GLCCI1: variants seen among roughly 807,000 people sequenced by gnomAD.
GLCCI1 encodes the protein glucocorticoid induced 1.
A neutral mutation model predicts 52.2 loss-of-function variants in GLCCI1; 24 were observed. The ratio of observed to expected loss-of-function variants is 0.46; its 90% CI spans 0.33 to 0.65. GLCCI1 has a LOEUF of 0.65. Among genes scored for constraint, GLCCI1 ranks in the 30% least tolerant of loss-of-function variants. The probability of loss-of-function intolerance (pLI) is 0.02; values close to 1 mark genes in which losing one functional copy is unlikely to be tolerated. For missense variants in GLCCI1, 704 were observed against 701.5 expected (o/e 1.00, Z -0.04); for synonymous variants, 310 against 276.5 (o/e 1.12, Z -1.20).
At chr7:8,054,074 GATTAT>G (rs1488835762) in intron 3 of GLCCI1, among the ~76,000 whole-genome samples, 2 of 152,056 alleles carry the variant, frequency 1.3e-5, no homozygotes, top group South Asian at 4.1e-4. Context: ...AGTAAGTACA[GATTAT>G]ATTATTAATC....
intron 6 of GLCCI1, among the ~76,000 whole-genome samples, chr7:8,076,631 T>C (rs1450680374): frequency 6.6e-6 from 1 of 152,224 alleles, no homozygotes; most frequent in African/African-American, 2.4e-5. Flanking sequence ...TACTTAAATA[T>C]ACAACTCAGT....
At chr7:8,030,540 G>A (rs115726347) in intron 3 of GLCCI1, among the ~76,000 whole-genome samples, 2,549 of 152,170 alleles carry the variant, frequency 0.017, 62 homozygotes, top group East Asian at 0.084. Context: ...GGAAAAATGG[G>A]ATGACATCAA....
intron 3 of GLCCI1, among the ~76,000 whole-genome samples, chr7:8,031,474 A>G (rs2127951700): frequency 6.6e-6 from 1 of 152,258 alleles, no homozygotes; most frequent in Admixed American, 6.5e-5. Flanking sequence ...AGTAAGACCT[A>G]GTATTTGATA....
chr7:8,071,205 T>A, intron 6 of GLCCI1, 74 bp downstream of exon 6: 1 of 1,156,184 alleles, frequency 8.6e-7, no homozygotes, highest in Non-Finnish European at 1.2e-6. Flanking sequence ...GACCATTACA[T>A]CTTTTTTTTT....
At chr7:7,980,855 C>G in intron 1 of GLCCI1, 1 of 657,410 alleles carries the variant, frequency 1.5e-6, no homozygotes, top group Non-Finnish European at 2.8e-6. Context: ...ATCAGGATAT[C>G]AGGATAAATT....
Position 8,088,212 on chromosome 7 carries a change from T to TTCTTA in GLCCI1, c.*1675_*1676insCTTAT, listed in dbSNP as rs1482223959. On this transcript the variant is annotated 3_prime_UTR_variant, in exon 8 of 8. Transcript: ENST00000223145. The stretch of plus-strand genomic sequence containing the variant: ...AAAGCAACACCATTGATTTTTTTTT[T>TTCTTA]TAAGAAATGATATATATATGTATAT... The TTCTTA allele has an allele frequency of 6.7e-6, 1 of 149,284 alleles. No homozygotes were observed. The highest frequency in any genetic ancestry group is 6.8e-5 in the Admixed American group (1 of 14,740). 9.2% of individuals were successfully genotyped at this position (149,284 alleles called of 1,614,324 possible).
intron 3 of GLCCI1, among the ~76,000 whole-genome samples, chr7:8,034,225 A>G (rs890036467): frequency 2.6e-5 from 4 of 152,298 alleles, no homozygotes; most frequent in East Asian, 3.9e-4. Flanking sequence ...CTTAAGTCCT[A>G]GCTCTCACCA....
chr7:8,012,144 A>G (rs1781276552), intron 2 of GLCCI1, among the ~76,000 whole-genome samples: 2 of 151,840 alleles, frequency 1.3e-5, no homozygotes, highest in South Asian at 4.2e-4. Context: ...ATCTTTGCCA[A>G]TATTTTCTTT....
intron 2 of GLCCI1, among the ~76,000 whole-genome samples, chr7:8,006,825 T>C (rs1179757082): frequency 2.0e-5 from 3 of 152,188 alleles, no homozygotes; most frequent in Non-Finnish European, 4.4e-5. Context: ...CTAAGTCCCA[T>C]TCTCTTCCTA....
intron 2 of GLCCI1, among the ~76,000 whole-genome samples, chr7:8,004,428 C>T (rs1172890644): frequency 2.6e-5 from 4 of 152,056 alleles, no homozygotes; most frequent in Admixed American, 2.0e-4. Flanking sequence ...GTAACAAATG[C>T]CTAATGAAAT....
At chr7:7,995,069 A>G (rs555041781) in intron 1 of GLCCI1, among the ~76,000 whole-genome samples, 9 of 152,334 alleles carry the variant, frequency 5.9e-5, no homozygotes, top group Admixed American at 2.6e-4. Context: ...CATCAATCCC[A>G]AGTAAAAGCA....
chr7:8,083,948 T>G (rs763815768), intron 6 of GLCCI1, among the ~76,000 whole-genome samples: 24 of 152,234 alleles, frequency 1.6e-4, no homozygotes, highest in Admixed American at 7.2e-4. Context: ...AACATAATTA[T>G]GATACTGTTG....
At chr7:8,045,323 G>A (rs79356905) in intron 3 of GLCCI1, among the ~76,000 whole-genome samples, 4,406 of 152,086 alleles carry the variant, frequency 0.029, 203 homozygotes, top group African/African-American at 0.093. Context: ...ATTTAGATAC[G>A]GCAACATATT....
Position 7,986,531 on chromosome 7 carries a change from G to GA in GLCCI1, c.457+16732dup, listed in dbSNP as rs1032681058. Reference sequence around the variant, plus strand: ...CAGAGCGAGACTCTGACTCAAAAAAGAAAAAAAAGAAAAAGTGACCTAGTG... The same window carrying GA: ...CAGAGCGAGACTCTGACTCAAAAAAGAAAAAAAAAGAAAAAGTGACCTAGTG... On this transcript the variant is annotated intron_variant, in intron 1 of 7. Transcript: ENST00000223145. Among the ~76,000 whole-genome samples the GA allele has an allele frequency of 5.1e-5, 6 of 117,992 alleles. No individual in the cohort carries two copies. The East Asian group carries it at 6.4e-4, about 13-fold the overall frequency. The allele number at this position is 117,992 out of a possible 152,430, so 77.4% of individuals were successfully genotyped here.
intron 5 of GLCCI1, among the ~76,000 whole-genome samples, chr7:8,062,963 A>T (rs936879066): frequency 5.3e-5 from 8 of 152,116 alleles, no homozygotes; most frequent in African/African-American, 1.9e-4. Flanking sequence ...AGAGCAATTT[A>T]TATTTCTTTG....
chr7:7,995,764 G>A (rs1327229848), intron 1 of GLCCI1, among the ~76,000 whole-genome samples: 1 of 152,146 alleles, frequency 6.6e-6, no homozygotes, highest in Admixed American at 6.5e-5. Flanking sequence ...GGTGGGGAGA[G>A]TGGGGAGGGA....
chr7:8,073,816 G>C (rs1166288092), intron 6 of GLCCI1, among the ~76,000 whole-genome samples: 4 of 152,030 alleles, frequency 2.6e-5, no homozygotes, highest in African/African-American at 9.7e-5. Flanking sequence ...GAGAATTAAA[G>C]CCCCATGACA....
chr7:8,082,960 G>C (rs954369708), intron 6 of GLCCI1, among the ~76,000 whole-genome samples: 25 of 152,134 alleles, frequency 1.6e-4, no homozygotes, highest in Admixed American at 9.2e-4. Flanking sequence ...CTTTTCTTAC[G>C]TGATAATAGA....
chr7:8,019,832 G>A (rs1781449821), intron 2 of GLCCI1, among the ~76,000 whole-genome samples: 1 of 152,210 alleles, frequency 6.6e-6, no homozygotes, highest in Non-Finnish European at 1.5e-5. Context: ...TGATACACCT[G>A]TATAGGGCAT....
Sources: allele counts gnomAD v4.1 joint callset (sites outside exome capture counted in the v4.1 genomes callset), GRCh38; gene constraint gnomAD v4.1.1; transcripts MANE v1.5; gene names NCBI Gene and HGNC (gene_info 2026-07-23, HGNC 2026-07-21).